The following FAM47E variants were observed in gnomAD, a reference collection of about 807,000 sequenced individuals.
The protein encoded by FAM47E is protein FAM47E.
A neutral mutation model predicts 41.6 loss-of-function variants in FAM47E; 32 were observed. The observed-to-expected ratio is 0.77, with a 90% CI of 0.58 to 1.03. The LOEUF (loss-of-function observed/expected upper bound fraction) is 1.03, where lower values mean the gene tolerates loss of function less well. Among genes scored for constraint, FAM47E ranks in the 50% least tolerant of loss-of-function variants. The pLI, the probability that FAM47E is intolerant of heterozygous loss-of-function variation, is 0.00. For missense variants in FAM47E, 424 were observed against 485.4 expected (o/e 0.87, Z 1.19); for synonymous variants, 184 against 188.7 (o/e 0.98, Z 0.20).
chr4:76,256,253 G>T lies in FAM47E; in HGVS notation c.150G>T (p.Lys50Asn). 2 of 1,551,694 alleles carry T rather than the reference G, an allele frequency of 1.3e-6. No individual in the cohort carries two copies. The highest frequency in any genetic ancestry group is 2.4e-5 in the South Asian group (2 of 84,062). The change falls in exon 2 of 8, where the codon AAG becomes AAT. Residue 50 changes from lysine (K) to asparagine (N), a missense_variant. Coordinates refer to ENST00000424749, the MANE Select transcript of FAM47E (RefSeq NM_001136570.3). Reference sequence around the variant, plus strand: ...GCCGGCAGTTGGTATTTCCAAGAAAGGGGCTGGACGACTTCAGGAAGGGCT... The same window carrying T: ...GCCGGCAGTTGGTATTTCCAAGAAATGGGCTGGACGACTTCAGGAAGGGCT... Reference protein sequence around the residue: ...LHSRQLVFPRKGLDDFRKGCP... With the variant: ...LHSRQLVFPRNGLDDFRKGCP...
At chr4:76,274,843 G>A (rs1179119702) in intron 5 of FAM47E, among the ~76,000 whole-genome samples, 1 of 152,094 alleles carries the variant, frequency 6.6e-6, no homozygotes, top group African/African-American at 2.4e-5. Flanking sequence ...CTCTCTCTGT[G>A]CAGCTTTTTC....
chr4:76,238,649 G>C (rs1733637511), intron 2 of FAM47E, among the ~76,000 whole-genome samples: 1 of 152,118 alleles, frequency 6.6e-6, no homozygotes, highest in African/African-American at 2.4e-5. Flanking sequence ...AGATAATCTA[G>C]GAGAGATGTG....
At position 76,237,887 on chromosome 4, in the gene FAM47E, T is replaced by C. The variant is rs556013563; in HGVS notation, c.81+20199T>C. Among the ~76,000 whole-genome samples the C allele has an allele frequency of 2.9e-4, 44 of 152,184 alleles. No homozygotes were observed. The East Asian group carries it at 4.4e-3, about 15-fold the overall frequency. ...CTGGGGCTAAATCATTCCTGAGAAA[T>C]CCACCCCCGTGATCCAATCACCTCC... On this transcript the variant is annotated intron_variant, in intron 2 of 7. Transcript: ENST00000510197.
At chr4:76,239,789 C>T (rs1733668613) in intron 2 of FAM47E, among the ~76,000 whole-genome samples, 2 of 151,938 alleles carry the variant, frequency 1.3e-5, no homozygotes, top group South Asian at 4.2e-4. Flanking sequence ...GATGTTATAT[C>T]CAAGAAATTA....
chr4:76,230,363 G>C (rs975950817), intron 2 of FAM47E, among the ~76,000 whole-genome samples: 26 of 152,224 alleles, frequency 1.7e-4, no homozygotes, highest in African/African-American at 5.8e-4. Flanking sequence ...TGCTCGCTCT[G>C]TGCCCTCCTA....
intron 2 of FAM47E, among the ~76,000 whole-genome samples, chr4:76,225,240 T>C (rs1462316390): frequency 6.6e-6 from 1 of 152,248 alleles, no homozygotes; most frequent in African/African-American, 2.4e-5. Flanking sequence ...ATTGTGCTGC[T>C]ATAAAGACAC....
chr4:76,253,808 T>TAAAA (rs11410378), intron 1 of FAM47E, among the ~76,000 whole-genome samples: 1 of 145,118 alleles, frequency 6.9e-6, no homozygotes. Flanking sequence ...TGTCTCGAAT[T>TAAAA]AAAAAAAAAA....
intron 5 of FAM47E, among the ~76,000 whole-genome samples, chr4:76,271,983 A>G (rs1441909): frequency 0.36 from 54,428 of 152,090 alleles, 10,317 homozygotes; most frequent in Admixed American, 0.42. Flanking sequence ...ATTATTTTTA[A>G]TACCTGAATA....
At chr4:76,249,990 T>TCA, upstream of FAM47E, among the ~76,000 whole-genome samples, 2 of 152,194 alleles carry the variant, frequency 1.3e-5, no homozygotes, top group Non-Finnish European at 2.9e-5. Flanking sequence ...TCCATAGTTT[T>TCA]GCAACTGCAA....
At chr4:76,236,479 G>A (rs1470226355) in intron 2 of FAM47E, 2 of 152,150 alleles carry the variant, frequency 1.3e-5, no homozygotes, top group Non-Finnish European at 2.9e-5. Context: ...GATTTATTCT[G>A]AGCCAAATAT....
At chr4:76,239,432 G>C (rs999595467) in intron 2 of FAM47E, among the ~76,000 whole-genome samples, 1 of 152,014 alleles carries the variant, frequency 6.6e-6, no homozygotes, top group African/African-American at 2.4e-5. Flanking sequence ...TCCTAATAAG[G>C]GTGGGGTGGT....
chr4:76,228,952 C>G (rs764209670), intron 2 of FAM47E, among the ~76,000 whole-genome samples: 4 of 152,118 alleles, frequency 2.6e-5, no homozygotes, highest in African/African-American at 9.7e-5. Flanking sequence ...AATTTCTCTT[C>G]TTCCACAGGA....
At chr4:76,279,707 A>C (rs1735268524) in intron 6 of FAM47E, 4 of 152,300 alleles carry the variant, frequency 2.6e-5, no homozygotes, top group Admixed American at 2.6e-4. Context: ...CTGGTAAGAG[A>C]CAGTAACTAT....
intron 2 of FAM47E, among the ~76,000 whole-genome samples, chr4:76,229,066 T>G (rs1301775900): frequency 6.6e-6 from 1 of 152,198 alleles, no homozygotes; most frequent in Non-Finnish European, 1.5e-5. Context: ...CAGATTGGGT[T>G]AATTCAAAAG....
chr4:76,246,110 G>T (rs1008747328), intron 2 of FAM47E, among the ~76,000 whole-genome samples: 1 of 152,202 alleles, frequency 6.6e-6, no homozygotes, highest in Non-Finnish European at 1.5e-5. Flanking sequence ...GGGTGAGGGA[G>T]AAGGTTGACA....
In FAM47E at chr4:76,255,826, T is replaced by C. The variant is rs528263338; in HGVS notation, c.75-352T>C. 6.6e-5 allele frequency among the ~76,000 whole-genome samples: 10 copies of C among 152,152 alleles called. No individual in the cohort carries two copies. In the South Asian group the frequency reaches 2.1e-3, roughly 32 times the overall value. On this transcript the variant is annotated intron_variant, in intron 1 of 7. Coordinates refer to ENST00000424749, the MANE Select transcript of FAM47E (RefSeq NM_001136570.3). ...TAGTGCCATTTACGTAAATTAAGAG[T>C]GCATGCACACATAAGGATGCTTCAG... is the stretch of plus-strand genomic sequence containing the variant.
At chr4:76,239,461 T>G (rs1006669622) in intron 2 of FAM47E, among the ~76,000 whole-genome samples, 4 of 152,170 alleles carry the variant, frequency 2.6e-5, no homozygotes, top group African/African-American at 4.8e-5. Flanking sequence ...GTTATTTTGA[T>G]CTGTATTTCC....
chr4:76,242,604 A>G (rs1184270176), intron 2 of FAM47E, among the ~76,000 whole-genome samples: 1 of 152,202 alleles, frequency 6.6e-6, no homozygotes, highest in African/African-American at 2.4e-5. Flanking sequence ...CTAAATACTT[A>G]TTATTTCTAT....
chr4:76,250,739 C>T (rs572836090), upstream of FAM47E, among the ~76,000 whole-genome samples: 1 of 152,200 alleles, frequency 6.6e-6, no homozygotes. Flanking sequence ...AACAATTGGG[C>T]TAATTATAAT....
Sources: allele counts gnomAD v4.1 joint callset (sites outside exome capture counted in the v4.1 genomes callset), GRCh38; gene constraint gnomAD v4.1.1; transcripts MANE v1.5; gene names NCBI Gene and HGNC (gene_info 2026-07-23, HGNC 2026-07-21).